Variants in SDK1 observed in about 807,000 individuals in gnomAD.
The protein encoded by SDK1 is protein sidekick-1.
SDK1 carries 157 observed loss-of-function variants against 245.5 expected under a neutral mutation model. The observed-to-expected ratio is 0.64, with a 90% confidence interval of 0.56 to 0.73. The LOEUF is 0.73. Among genes scored for constraint, SDK1 ranks in the 30% least tolerant of loss-of-function variants. The probability of loss-of-function intolerance (pLI) is 0.00; values close to 1 mark genes in which losing one functional copy is unlikely to be tolerated. For synonymous variants in SDK1, 1,647 were observed against 1,278.5 expected (o/e 1.29, Z -6.15); for missense variants, 3,583 against 3,002.3 (o/e 1.19, Z -4.52).
chr7:3,858,771 C>A (rs1270660730), intron 5 of SDK1, among the ~76,000 whole-genome samples: 1 of 149,458 alleles, frequency 6.7e-6, no homozygotes, highest in African/African-American at 2.5e-5. Flanking sequence ...ATTTGTGATA[C>A]TAGAATAAGA....
chr7:3,798,211 C>CTTTTTTTTTTTTT (rs71029699), intron 4 of SDK1, among the ~76,000 whole-genome samples: 1 of 53,612 alleles, frequency 1.9e-5, no homozygotes, highest in Non-Finnish European at 3.4e-5. Context: ...CCTTGGCACT[C>CTTTTTTTTTTTTT]TTTTTTTTTT....
chr7:3,886,330 G>A (rs570792050), intron 5 of SDK1, among the ~76,000 whole-genome samples: 12 of 152,316 alleles, frequency 7.9e-5, no homozygotes, highest in Admixed American at 2.6e-4. Context: ...TAGAGATGCC[G>A]GACATAGGAA....
chr7:3,405,483 T>A (rs1007806634), intron 1 of SDK1, among the ~76,000 whole-genome samples: 2 of 152,336 alleles, frequency 1.3e-5, no homozygotes, highest in South Asian at 4.1e-4. Context: ...TATATGCTTT[T>A]ACAGATCTCT....
chr7:4,144,296 C>A (rs1038636336), intron 28 of SDK1, among the ~76,000 whole-genome samples: 8 of 152,096 alleles, frequency 5.3e-5, no homozygotes, highest in Admixed American at 5.2e-4. Flanking sequence ...ACTCCCGGTC[C>A]CCATTGTGGG....
intron 4 of SDK1, among the ~76,000 whole-genome samples, chr7:3,748,466 T>C (rs1779687498): frequency 6.6e-6 from 1 of 152,120 alleles, no homozygotes; most frequent in African/African-American, 2.4e-5. Flanking sequence ...AAATGGCGAG[T>C]AGTCAGGTCC....
At chr7:3,561,533 G>C (rs1480323811) in intron 1 of SDK1, among the ~76,000 whole-genome samples, 1 of 152,176 alleles carries the variant, frequency 6.6e-6, no homozygotes, top group Non-Finnish European at 1.5e-5. Context: ...CCCCTAAGGT[G>C]GTGGTGGTGG....
chr7:3,432,757 G>A (rs1326881255), intron 1 of SDK1, among the ~76,000 whole-genome samples: 1 of 152,236 alleles, frequency 6.6e-6, no homozygotes, highest in East Asian at 1.9e-4. Context: ...CATTTAAGTT[G>A]CTTTTGAAAG....
chr7:4,201,709 C>T (rs977567542), intron 35 of SDK1, among the ~76,000 whole-genome samples: 54 of 152,168 alleles, frequency 3.5e-4, no homozygotes, highest in Non-Finnish European at 6.2e-4. Context: ...ACAGCAGACA[C>T]CCAGCATGGC....
intron 4 of SDK1, among the ~76,000 whole-genome samples, chr7:3,738,661 G>C (rs1438931860): frequency 6.6e-6 from 1 of 152,162 alleles, no homozygotes; most frequent in African/African-American, 2.4e-5. Flanking sequence ...CATCTGATTT[G>C]TGAAATGGGA....
chr7:3,952,000 C>T lies in SDK1; in HGVS notation c.1150+80C>T, dbSNP rs1047719845. 2.3e-5 allele frequency: 30 copies of T among 1,323,318 alleles called. 1 individual carries two copies. The highest frequency in any genetic ancestry group is 8.9e-5 in the African/African-American group (6 of 67,158). The allele number at this position is 1,323,318 out of a possible 1,614,324, so 82.0% of individuals were successfully genotyped here. On this transcript the variant is annotated intron_variant, in intron 7 of 44. Coordinates refer to ENST00000404826, the MANE Select transcript of SDK1 (RefSeq NM_152744.4). ...TGACTCTTCTGCAGAAACAAAATAG[C>T]GTATTTCAGTGGCTTTATTTGTAAC...
chr7:3,387,220 G>A (rs1781632433), intron 1 of SDK1, among the ~76,000 whole-genome samples: 1 of 152,026 alleles, frequency 6.6e-6, no homozygotes, highest in Admixed American at 6.5e-5. Flanking sequence ...GCCTACTGAG[G>A]TTTTTCCTAG....
intron 1 of SDK1, among the ~76,000 whole-genome samples, chr7:3,414,717 A>G (rs1583823018): frequency 6.6e-6 from 1 of 152,102 alleles, no homozygotes; most frequent in East Asian, 1.9e-4. Context: ...CCAGAAAGCA[A>G]CCCTGCGCTC....
At chr7:4,118,775 A>G (rs1230093577) in intron 25 of SDK1, among the ~76,000 whole-genome samples, 1 of 149,228 alleles carries the variant, frequency 6.7e-6, no homozygotes, top group East Asian at 1.9e-4. Context: ...TACATGCTAC[A>G]GTGTGGGTGA....
chr7:3,981,797 T>C (rs1007594439), intron 13 of SDK1, among the ~76,000 whole-genome samples: 3 of 152,112 alleles, frequency 2.0e-5, no homozygotes, highest in Non-Finnish European at 4.4e-5. Flanking sequence ...TAGCAGGGGT[T>C]GGTTTGTGAG....
Position 4,178,533 on chromosome 7 carries a change from T to C in SDK1, c.5045T>C (p.Ile1682Thr), listed in dbSNP as rs772803398. 6.2e-7 allele frequency: 1 copy of C among 1,613,866 alleles called. No homozygotes were observed. The highest frequency in any genetic ancestry group is 1.1e-5 in the South Asian group (1 of 91,070). ...RYEVIMTAYN[I>T]IGESPASAPV... ...GAAGTAATAATGACCGCCTATAACA[T>C]CATCGGCGAGAGCCCAGCCAGCGCG... The change falls in exon 35 of 45, where the codon ATC becomes ACC. Residue 1682 changes from isoleucine (I) to threonine (T), a missense_variant. By Grantham distance (89) the Ile-to-Thr change is moderately conservative. Coordinates refer to ENST00000404826, the MANE Select transcript of SDK1 (RefSeq NM_152744.4).
At chr7:4,031,434 G>A (rs1344894896) in intron 17 of SDK1, among the ~76,000 whole-genome samples, 1 of 152,128 alleles carries the variant, frequency 6.6e-6, no homozygotes, top group Admixed American at 6.6e-5. Flanking sequence ...TCAATAGATT[G>A]TATCCAGAGA....
At chr7:4,170,021 CCTCTCTT>C (rs1781740261) in intron 32 of SDK1, among the ~76,000 whole-genome samples, 1 of 152,212 alleles carries the variant, frequency 6.6e-6, no homozygotes, top group Non-Finnish European at 1.5e-5. Context: ...CGGAGAATTG[CCTCTCTT>C]CAGTCTCACA....
At chr7:4,185,142 C>T (rs561433330) in intron 35 of SDK1, among the ~76,000 whole-genome samples, 5 of 152,172 alleles carry the variant, frequency 3.3e-5, no homozygotes, top group African/African-American at 1.2e-4. Flanking sequence ...AGATCCAGTG[C>T]GACAGTCAGA....
intron 2 of SDK1, among the ~76,000 whole-genome samples, chr7:3,627,517 T>A (rs1277457621): frequency 6.6e-6 from 1 of 152,204 alleles, no homozygotes; most frequent in Non-Finnish European, 1.5e-5. Flanking sequence ...ACTGCATGTT[T>A]CCGTGGTAGA....
Sources: gnomAD v4.1 joint callset for allele counts (sites outside exome capture counted in the v4.1 genomes callset) on GRCh38, gnomAD v4.1.1 for gene constraint, MANE v1.5 for transcripts, NCBI Gene and HGNC (gene_info 2026-07-23, HGNC 2026-07-21) for gene names.